ELOVL6: variants seen among roughly 807,000 people sequenced by gnomAD.
The protein encoded by ELOVL6 is very long chain fatty acid elongase 6.
A neutral mutation model predicts 31.7 loss-of-function variants in ELOVL6; 8 were observed. That is an observed-to-expected ratio of 0.25 (90% CI 0.15 to 0.45). The LOEUF is 0.45. Among genes scored for constraint, ELOVL6 ranks in the 20% least tolerant of loss-of-function variants. The probability of loss-of-function intolerance (pLI) is 1.00; values close to 1 mark genes in which losing one functional copy is unlikely to be tolerated. For synonymous variants in ELOVL6, 101 were observed against 117.7 expected (o/e 0.86, Z 0.92); for missense variants, 126 against 326.4 (o/e 0.39, Z 4.73).
chr4:110,134,106 G>T (rs1053177321), intron 1 of ELOVL6, among the ~76,000 whole-genome samples: 15 of 152,156 alleles, frequency 9.9e-5, no homozygotes, highest in African/African-American at 3.6e-4. Flanking sequence ...TAACTCTGAG[G>T]ATACATTACA....
At chr4:110,127,406 C>CAAAAAAAAAAAAAAAAAAAA (rs572027886) in intron 1 of ELOVL6, among the ~76,000 whole-genome samples, 1 of 85,516 alleles carries the variant, frequency 1.2e-5, no homozygotes, top group Non-Finnish European at 2.1e-5. Context: ...GATTCCGTCT[C>CAAAAAAAAAAAAAAAAAAAA]AAAAAAAAAA....
chr4:110,197,209 T>G (rs1035176898), intron 1 of ELOVL6, among the ~76,000 whole-genome samples: 1 of 152,172 alleles, frequency 6.6e-6, no homozygotes, highest in African/African-American at 2.4e-5. Context: ...TGCGTTGGGC[T>G]TGAACTTTAC....
intron 1 of ELOVL6, among the ~76,000 whole-genome samples, chr4:110,197,429 C>T (rs1055423379): frequency 6.6e-6 from 1 of 152,144 alleles, no homozygotes; most frequent in Non-Finnish European, 1.5e-5. Flanking sequence ...TAGGGAAGAG[C>T]CCCTAAGGAC....
intron 2 of ELOVL6, among the ~76,000 whole-genome samples, chr4:110,097,872 T>C (rs2126242863): frequency 6.6e-6 from 1 of 151,970 alleles, no homozygotes; most frequent in East Asian, 1.9e-4. Context: ...AATTTACAAA[T>C]ATGGCATTAG....
chr4:110,090,054 A>T (rs1756375846), intron 2 of ELOVL6, among the ~76,000 whole-genome samples: 1 of 152,250 alleles, frequency 6.6e-6, no homozygotes, highest in Non-Finnish European at 1.5e-5. Flanking sequence ...TGTAAAATGA[A>T]AATAAAGTAC....
rs1224446788 is a variant in ELOVL6 at position 110,084,327 on chromosome 4, A to C, written c.221+21170T>G. On this transcript the variant is annotated intron_variant, in intron 2 of 3. Transcript: ENST00000302274. Reference sequence around the variant, plus strand: ...ATAACATATAACATATATAAATTTGATATATATCACATATATGATATATGA... The same window carrying C: ...ATAACATATAACATATATAAATTTGCTATATATCACATATATGATATATGA... 3.2e-5 allele frequency among the ~76,000 whole-genome samples: 2 copies of C among 62,372 alleles called. 1 individual carries two copies. The highest frequency in any genetic ancestry group is 1.2e-4 in the African/African-American group (2 of 16,386). The allele number at this position is 62,372 out of a possible 152,430, so 40.9% of individuals were successfully genotyped here.
intron 1 of ELOVL6, among the ~76,000 whole-genome samples, chr4:110,125,998 T>C (rs1353888367): frequency 6.6e-6 from 1 of 151,976 alleles, no homozygotes; most frequent in Non-Finnish European, 1.5e-5. Flanking sequence ...GAATTAGAGA[T>C]TGAGAGAAAC....
chr4:110,137,936 C>T (rs1479437363), intron 1 of ELOVL6, among the ~76,000 whole-genome samples: 1 of 152,192 alleles, frequency 6.6e-6, no homozygotes, highest in South Asian at 2.1e-4. Context: ...TTGCCTTTTA[C>T]AGACAAGAAA....
intron 1 of ELOVL6, among the ~76,000 whole-genome samples, chr4:110,143,215 G>C (rs886316389): frequency 6.6e-6 from 1 of 150,768 alleles, no homozygotes; most frequent in African/African-American, 2.4e-5. Flanking sequence ...ATTTCATCAA[G>C]ATCAGCTCAA....
intron 2 of ELOVL6, among the ~76,000 whole-genome samples, chr4:110,102,596 G>A (rs1353461873): frequency 6.6e-6 from 1 of 151,892 alleles, no homozygotes; most frequent in East Asian, 1.9e-4. Context: ...AGAGGTTGAG[G>A]CTGTAGGGAG....
chr4:110,083,993 A>G (rs751014128), intron 2 of ELOVL6, among the ~76,000 whole-genome samples: 5 of 112,776 alleles, frequency 4.4e-5, no homozygotes, highest in African/African-American at 1.3e-4. Context: ...TATACGATAT[A>G]TAACATATGC....
Position 110,051,337 on chromosome 4 carries a change from A to G in ELOVL6, c.*1T>C, listed in dbSNP as rs1754831968. The G allele has an allele frequency of 6.2e-7, 1 of 1,613,558 alleles. No homozygotes were observed. Among genetic ancestry groups the G allele is most frequent in the Non-Finnish European group, 8.5e-7 (1 of 1,179,740 alleles). On this transcript the variant is annotated 3_prime_UTR_variant, in exon 4 of 4. Coordinates refer to ENST00000302274, the MANE Select transcript of ELOVL6 (RefSeq NM_024090.3). The surrounding 1 kb of genome is among the most constrained non-coding windows in gnomAD (Gnocchi z 4.8). ...CTATGGCTTCCTCCTCAGTTCCAAC[A>G]CTATTCAGCTTTCGTTGTTTTCCTC...
chr4:110,127,053 C>T (rs549658727), intron 1 of ELOVL6, among the ~76,000 whole-genome samples: 1 of 152,138 alleles, frequency 6.6e-6, no homozygotes, highest in Admixed American at 6.5e-5. Flanking sequence ...TAGACCATCT[C>T]TCCTACTCTA....
chr4:110,064,461 ACT>A (rs2126224285), intron 2 of ELOVL6, among the ~76,000 whole-genome samples: 1 of 150,364 alleles, frequency 6.7e-6, no homozygotes, highest in African/African-American at 2.4e-5. Context: ...GCACTATTTG[ACT>A]CTTTTTTATT....
intron 1 of ELOVL6, among the ~76,000 whole-genome samples, chr4:110,108,141 C>G (rs1393930591): frequency 6.6e-6 from 1 of 152,122 alleles, no homozygotes; most frequent in Non-Finnish European, 1.5e-5. Flanking sequence ...TTTTCTGAGC[C>G]TGGGAAGCTT....
intron 1 of ELOVL6, among the ~76,000 whole-genome samples, chr4:110,171,670 T>C (rs1758950322): frequency 1.4e-5 from 2 of 141,752 alleles, no homozygotes; most frequent in South Asian, 4.7e-4. Flanking sequence ...GTATCTTGCA[T>C]AATATCCTCT....
intron 2 of ELOVL6, among the ~76,000 whole-genome samples, chr4:110,088,922 T>C (rs752510437): frequency 6.6e-6 from 1 of 152,198 alleles, no homozygotes; most frequent in Non-Finnish European, 1.5e-5. Flanking sequence ...AATTTTCCAT[T>C]ACAGTTACCA....
chr4:110,094,404 A>AATATATAT (rs1167924305), intron 2 of ELOVL6, among the ~76,000 whole-genome samples: 25 of 55,558 alleles, frequency 4.5e-4, no homozygotes, highest in South Asian at 7.5e-4. Flanking sequence ...CTTAAAAAGA[A>AATATATAT]ATATATATAT....
chr4:110,132,398 T>C (rs1016766904), intron 1 of ELOVL6, among the ~76,000 whole-genome samples: 3 of 152,110 alleles, frequency 2.0e-5, no homozygotes, highest in Non-Finnish European at 2.9e-5. Flanking sequence ...CATATATTTA[T>C]TGAAATAAAT....
Sources: gnomAD v4.1 joint callset for allele counts (sites outside exome capture counted in the v4.1 genomes callset) on GRCh38, gnomAD v4.1.1 for gene constraint, Gnocchi (gnomAD v3.1) non-coding constraint, MANE v1.5 for transcripts, NCBI Gene and HGNC (gene_info 2026-07-23, HGNC 2026-07-21) for gene names.